TSC1: variants seen among roughly 807,000 people sequenced by gnomAD.
The protein encoded by TSC1 is TSC complex subunit 1, also known as hamartin.
In TSC1, 20 loss-of-function variants were observed where a neutral mutation model predicts 124.3. The observed-to-expected ratio is 0.16, with a 90% CI of 0.11 to 0.23. The LOEUF (loss-of-function observed/expected upper bound fraction) is 0.23, where lower values mean the gene tolerates loss of function less well. TSC1 is among the 10% of genes least tolerant of loss of function. The pLI, the probability that TSC1 is intolerant of heterozygous loss-of-function variation, is 1.00. For synonymous variants in TSC1, 493 were observed against 539.1 expected, an observed-to-expected ratio of 0.91 and a Z score of 1.19; for missense variants, 1,124 against 1,448.5, an observed-to-expected ratio of 0.78 and a Z score of 3.64.
intron 2 of TSC1, among the ~76,000 whole-genome samples, chr9:132,929,275 A>C (rs1356521755): frequency 6.6e-6 from 1 of 152,248 alleles, no homozygotes; most frequent in Non-Finnish European, 1.5e-5. Flanking sequence ...GGTTTTGGCT[A>C]AGACCACATT....
chr9:132,932,875 C>G lies in TSC1; in HGVS notation c.-81+2158G>C, dbSNP rs186555960. On this transcript the variant is annotated intron_variant, in intron 2 of 22. Transcript: ENST00000298552. ...GCAGCAGGGAGGTTCTCAGTCATCACTTTTCAATAAAAGATACTTTGTAAT... is the reference window on the plus strand; with the variant it reads ...GCAGCAGGGAGGTTCTCAGTCATCAGTTTTCAATAAAAGATACTTTGTAAT... Among the ~76,000 whole-genome samples the G allele has an allele frequency of 8.5e-5, 13 of 152,296 alleles. No individual in the cohort carries two copies. In the East Asian group the frequency reaches 2.5e-3, roughly 29 times the overall value.
chr9:132,894,340 T>G lies in TSC1; in HGVS notation c.*1895A>C. 1 of 231,138 alleles carries G rather than the reference T, an allele frequency of 4.3e-6. No homozygotes were observed. The highest frequency in any genetic ancestry group is 8.6e-6 in the Non-Finnish European group (1 of 116,480). 14.3% of individuals were successfully genotyped at this position (231,138 alleles called of 1,614,324 possible). On this transcript the variant is annotated 3_prime_UTR_variant, in exon 23 of 23. Coordinates refer to ENST00000298552, the MANE Select transcript of TSC1 (RefSeq NM_000368.5). The stretch of plus-strand genomic sequence containing the variant: ...TGGGCATGAGGAGAAGGAAAGCACT[T>G]AAAACCAGTTTCAGGATTCACTGAT...
At chr9:132,936,378 A>C (rs1847459862) in intron 1 of TSC1, among the ~76,000 whole-genome samples, 1 of 152,186 alleles carries the variant, frequency 6.6e-6, no homozygotes, top group Non-Finnish European at 1.5e-5. Context: ...AGGCCTCCCA[A>C]GGTGCTAGTA....
At chr9:132,937,591 CA>C (rs1416930146) in intron 1 of TSC1, among the ~76,000 whole-genome samples, 10 of 152,200 alleles carry the variant, frequency 6.6e-5, no homozygotes, top group African/African-American at 2.4e-4. Context: ...ATATCTAAGG[CA>C]AGGGTAAAAT....
intron 15 of TSC1, among the ~76,000 whole-genome samples, chr9:132,905,074 T>C (rs1160721741): frequency 6.6e-6 from 1 of 152,180 alleles, no homozygotes; most frequent in Non-Finnish European, 1.5e-5. Context: ...GTCCTTTCTA[T>C]GAAAACTTGG....
Position 132,896,419 on chromosome 9 carries a change from C to T in TSC1, c.3311G>A (p.Cys1104Tyr), listed in dbSNP as rs796053467. ...ELFRNKSESQ[C>Y]DEDGMTSSLS... is the part of the protein sequence containing the mutation. Reference sequence around the variant, plus strand: ...GCTACTGGTCATGCCGTCCTCATCACACTGGCTCTCGCTCTTATTACGAAA... The same window carrying T: ...GCTACTGGTCATGCCGTCCTCATCATACTGGCTCTCGCTCTTATTACGAAA... Residue 1104 changes from cysteine to tyrosine, a missense_variant, in exon 23 of 23, where the codon TGT (cysteine) becomes TAT (tyrosine). Physicochemically the swap from Cys to Tyr is radical, Grantham distance 194. Transcript: ENST00000298552. The surrounding 1 kb of genome is among the most constrained non-coding windows in gnomAD (Gnocchi z 4.5). 1 of 1,614,232 alleles carries T rather than the reference C, an allele frequency of 6.2e-7. No individual in the cohort carries two copies.
intron 5 of TSC1, chr9:132,924,817 C>G (rs1846761628): frequency 6.6e-6 from 1 of 152,222 alleles, no homozygotes; most frequent in Non-Finnish European, 1.5e-5. Context: ...GGACCCACCT[C>G]TAGGGATAAT....
At position 132,921,184 on chromosome 9, in the gene TSC1, G is replaced by A. The variant is rs145058371; in HGVS notation, c.737+179C>T. On this transcript the variant is annotated intron_variant, in intron 8 of 22. Transcript: ENST00000298552. This position sits in a 1 kb window ranked among gnomAD's most constrained non-coding sequence, Gnocchi z 4.3. ...CTCTGCTAAATGTTATTAGTCCTCC[G>A]CCTGTGAAGAGTATGTTTTAAACTC... Among the ~76,000 whole-genome samples the A allele has an allele frequency of 1.9e-4, 29 of 152,090 alleles. 1 individual carries two copies. The highest frequency in any genetic ancestry group is 6.7e-4 in the African/African-American group (28 of 41,494).
At chr9:132,901,386 T>C (rs1426711477) in intron 19 of TSC1, among the ~76,000 whole-genome samples, 9 of 152,208 alleles carry the variant, frequency 5.9e-5, no homozygotes, top group Admixed American at 5.9e-4. Flanking sequence ...TCCTACCCAC[T>C]GGATACCAGC....
intron 1 of TSC1, among the ~76,000 whole-genome samples, chr9:132,936,275 C>T (rs922452779): frequency 3.9e-5 from 6 of 152,012 alleles, no homozygotes; most frequent in African/African-American, 1.5e-4. Context: ...CCACCAGGCC[C>T]GACTAATCGG....
chr9:132,906,762 T>C lies in TSC1; in HGVS notation c.1407A>G (p.Glu469=), dbSNP rs1272855447. The C allele has an allele frequency of 6.2e-7, 1 of 1,614,128 alleles. No individual in the cohort carries two copies. Among genetic ancestry groups the C allele is most frequent in the Admixed American group, 1.7e-5 (1 of 60,026 alleles). The change falls in exon 14 of 23, where the codon GAA becomes GAG. Residue 469 remains glutamate, a synonymous_variant. Coordinates refer to ENST00000298552, the MANE Select transcript of TSC1 (RefSeq NM_000368.5). This position sits in a 1 kb window ranked among gnomAD's most constrained non-coding sequence, Gnocchi z 4.1. The part of the protein sequence containing the change: ...LPGFLGDLAS[E]EDSIEKDKEE... ...CTTTATCTTTTTCAATACTATCTTC[T>C]TCAGAGGCCAGATCACCTAAAAACC...
intron 1 of TSC1, among the ~76,000 whole-genome samples, chr9:132,937,505 A>G (rs1237168569): frequency 1.3e-5 from 2 of 152,230 alleles, no homozygotes; most frequent in Admixed American, 1.3e-4. Flanking sequence ...GAATCTTAAA[A>G]TAAGCAGTTA....
intron 4 of TSC1, chr9:132,926,578 A>G (rs1846873413): frequency 6.5e-6 from 1 of 154,254 alleles, no homozygotes; most frequent in African/African-American, 2.4e-5. Flanking sequence ...TATCGATAAA[A>G]GTCTAAAAAT....
At chr9:132,904,968 C>CCATAG (rs1462543486) in intron 15 of TSC1, among the ~76,000 whole-genome samples, 3 of 152,186 alleles carry the variant, frequency 2.0e-5, no homozygotes, top group African/African-American at 7.2e-5. Context: ...TCAAATTCCA[C>CCATAG]CATAGCATAG....
intron 12 of TSC1, among the ~76,000 whole-genome samples, chr9:132,909,308 T>A (rs997138173): frequency 1.3e-5 from 2 of 152,238 alleles, no homozygotes; most frequent in East Asian, 1.9e-4. Flanking sequence ...ATATTCCAAA[T>A]GTTGAAACAC....
chr9:132,933,634 G>A (rs572687367), intron 2 of TSC1, among the ~76,000 whole-genome samples: 8 of 152,294 alleles, frequency 5.3e-5, no homozygotes, highest in Admixed American at 4.6e-4. Flanking sequence ...CTGTGTGCCA[G>A]TTGAGATGAT....
At chr9:132,930,611 A>AAAAG (rs1847153271) in intron 2 of TSC1, among the ~76,000 whole-genome samples, 1 of 150,758 alleles carries the variant, frequency 6.6e-6, no homozygotes, top group Admixed American at 6.6e-5. Context: ...AAAAAAAAAA[A>AAAAG]AGAGAGAGAT....
Position 132,903,604 on chromosome 9 carries a change from A to C in TSC1, c.2208+47T>G, listed in dbSNP as rs1322182812. 6.2e-7 allele frequency: 1 copy of C among 1,611,488 alleles called. No individual in the cohort carries two copies. Among genetic ancestry groups the C allele is most frequent in the Admixed American group, 1.7e-5 (1 of 60,018 alleles). On this transcript the variant is annotated intron_variant, in intron 17 of 22. Coordinates refer to ENST00000298552, the MANE Select transcript of TSC1 (RefSeq NM_000368.5). This position sits in a 1 kb window ranked among gnomAD's most constrained non-coding sequence, Gnocchi z 5.9. ...CTTTATAAGCTATCATGCTGACCCA[A>C]AACAAAACAAAAAGCAAGCTCCACC... is the stretch of plus-strand genomic sequence containing the variant.
chr9:132,912,807 G>A, intron 8 of TSC1: 1 of 309,796 alleles, frequency 3.2e-6, no homozygotes, highest in Non-Finnish European at 6.2e-6. Context: ...TCAAAAAATA[G>A]GGAGACCTGG....
Sources: gnomAD v4.1 joint callset for allele counts (sites outside exome capture counted in the v4.1 genomes callset) on GRCh38, gnomAD v4.1.1 for gene constraint, Gnocchi (gnomAD v3.1) non-coding constraint, MANE v1.5 for transcripts, NCBI Gene and HGNC (gene_info 2026-07-23, HGNC 2026-07-21) for gene names.